SEC24A: variants seen among roughly 807,000 people sequenced by gnomAD.
SEC24A encodes SEC24 homolog A, COPII component, also known as protein transport protein Sec24A.
A neutral mutation model predicts 129.4 loss-of-function variants in SEC24A; 93 were observed. The ratio of observed to expected loss-of-function variants is 0.72; its 90% CI spans 0.61 to 0.85. The LOEUF is 0.85. Among genes scored for constraint, SEC24A ranks in the 40% least tolerant of loss-of-function variants. The pLI is 0.00. For synonymous variants in SEC24A, 460 were observed against 467.3 expected (o/e 0.98, Z 0.20); for missense variants, 1,264 against 1,307.4 (o/e 0.97, Z 0.51).
chr5:134,700,086 G>T (rs1751959976), intron 15 of SEC24A, among the ~76,000 whole-genome samples: 1 of 150,996 alleles, frequency 6.6e-6, no homozygotes, highest in Admixed American at 6.6e-5. Context: ...TTCCATTGCT[G>T]CTGCACAAAT....
intron 9 of SEC24A, among the ~76,000 whole-genome samples, chr5:134,684,867 C>T (rs996530775): frequency 6.6e-6 from 1 of 152,156 alleles, no homozygotes; most frequent in African/African-American, 2.4e-5. Context: ...TTATCACCCA[C>T]ACTTTGCAAA....
intron 20 of SEC24A, among the ~76,000 whole-genome samples, chr5:134,719,060 T>A (rs1330620315): frequency 6.6e-6 from 1 of 151,982 alleles, no homozygotes; most frequent in African/African-American, 2.4e-5. Context: ...TGTTTTAAGC[T>A]AAGTGTTATT....
At position 134,675,105 on chromosome 5, in the gene SEC24A, G is replaced by C; in HGVS notation, c.1039G>C (p.Gly347Arg). The C allele has an allele frequency of 6.2e-7, 1 of 1,612,800 alleles. No homozygotes were observed. Among genetic ancestry groups the C allele is most frequent in the Non-Finnish European group, 8.5e-7 (1 of 1,179,116 alleles). ...SMSGLSLQPE[G>R]LRVVNLLQER... is the part of the protein sequence containing the mutation. ...GAGTGGATTAAGTCTACAACCAGAG[G>C]GTCTAAGAGTTGTCAATCTTCTTCA... The change falls in exon 6 of 23, where the codon GGT (glycine) becomes CGT (arginine). Residue 347 changes from glycine to arginine, a missense_variant. By Grantham distance (125) the Gly-to-Arg change is moderately radical. Coordinates refer to ENST00000398844, the MANE Select transcript of SEC24A (RefSeq NM_021982.3).
At chr5:134,701,534 G>A (rs914378886) in intron 15 of SEC24A, among the ~76,000 whole-genome samples, 4 of 150,450 alleles carry the variant, frequency 2.7e-5, no homozygotes, top group East Asian at 1.9e-4. Context: ...TTTTTGAGAC[G>A]GAGTCTCGGT....
chr5:134,674,503 C>T, intron 4 of SEC24A, 112 bp from the exon 5 acceptor site: 1 of 940,520 alleles, frequency 1.1e-6, no homozygotes, highest in Non-Finnish European at 1.6e-6. Context: ...CACCACTGCA[C>T]TGCAGCCTGG....
rs756277393 is a variant in SEC24A at position 134,674,699 on chromosome 5, A to G, written c.902A>G (p.Asn301Ser). ...SYPSLPPGYQ[N>S]TTPPGATGVP... is the part of the protein sequence containing the mutation. Reference sequence around the variant, plus strand: ...CCCTCCTTACCACCTGGTTATCAGAACACAACACCACCTGGTGCAACTGGA... The same window carrying G: ...CCCTCCTTACCACCTGGTTATCAGAGCACAACACCACCTGGTGCAACTGGA... The change falls in exon 5 of 23, where the codon AAC (asparagine) becomes AGC (serine). Residue 301 changes from asparagine (N) to serine (S), a missense_variant. By Grantham distance (46) the Asn-to-Ser change is conservative. Coordinates refer to ENST00000398844, the MANE Select transcript of SEC24A (RefSeq NM_021982.3). 5 of 1,614,104 alleles carry G rather than the reference A, an allele frequency of 3.1e-6. No individual in the cohort carries two copies. In the South Asian group the frequency reaches 5.5e-5, roughly 18 times the overall value.
chr5:134,681,991 C>T (rs1373264572), intron 8 of SEC24A, among the ~76,000 whole-genome samples: 4 of 152,008 alleles, frequency 2.6e-5, no homozygotes. Context: ...TCTGTAATCC[C>T]AGCACTTTGG....
At chr5:134,654,633 G>A (rs1019678165) in intron 1 of SEC24A, among the ~76,000 whole-genome samples, 22 of 149,208 alleles carry the variant, frequency 1.5e-4, no homozygotes, top group Non-Finnish European at 3.3e-4. Context: ...TAACGCTAAA[G>A]GCAAATAATG....
Position 134,671,831 on chromosome 5 carries a change from C to T in SEC24A, c.762C>T (p.Asn254=), listed in dbSNP as rs748556310. Residue 254 remains asparagine, a synonymous_variant, in exon 4 of 23, where the codon AAC becomes AAT. Coordinates refer to ENST00000398844, the MANE Select transcript of SEC24A (RefSeq NM_021982.3). ...NQEGITSNTN[N]GSMVVHSSYD... Reference sequence around the variant, plus strand: ...TAGGTATTACATCAAATACCAATAACGGATCTATGGTGGTCCACAGTAGTT... The same window carrying T: ...TAGGTATTACATCAAATACCAATAATGGATCTATGGTGGTCCACAGTAGTT... 13 of 1,602,594 alleles carry T rather than the reference C, an allele frequency of 8.1e-6. No homozygotes were observed. Among genetic ancestry groups the T allele is most frequent in the Admixed American group, 1.7e-5 (1 of 58,428 alleles).
Position 134,661,478 on chromosome 5 carries a change from C to G in SEC24A, c.457C>G (p.Pro153Ala). 2 of 1,614,186 alleles carry G rather than the reference C, an allele frequency of 1.2e-6. No homozygotes were observed. The highest frequency in any genetic ancestry group is 1.7e-6 in the Non-Finnish European group (2 of 1,180,014). The change falls in exon 2 of 23, where the codon CCT becomes GCT. Residue 153 changes from proline (P) to alanine (A), a missense_variant. By Grantham distance (27) the Pro-to-Ala change is conservative (BLOSUM62 -1). Transcript: ENST00000398844. ...CACAGCCTCACAAACAAACCATTGT[C>G]CTCGTGCATCATCCCAACCAACTGT... ...PSTASQTNHCPRASSQPTVSG... is the reference protein window; with the variant it reads ...PSTASQTNHCARASSQPTVSG...
intron 7 of SEC24A, among the ~76,000 whole-genome samples, chr5:134,678,060 C>T (rs978857656): frequency 1.3e-5 from 2 of 152,068 alleles, no homozygotes; most frequent in African/African-American, 4.8e-5. Context: ...CTCTCGTTGT[C>T]ACCCAGGTTA....
intron 9 of SEC24A, among the ~76,000 whole-genome samples, chr5:134,683,116 G>A (rs1300849714): frequency 8.6e-5 from 13 of 151,766 alleles, no homozygotes; most frequent in South Asian, 2.1e-4. Flanking sequence ...TCCGCCTCCC[G>A]GGTTCAAGCA....
At position 134,726,406 on chromosome 5, in the gene SEC24A, T is replaced by C. The variant is rs1257078194; in HGVS notation, c.*1312T>C. On this transcript the variant is annotated 3_prime_UTR_variant, in exon 23 of 23. Coordinates refer to ENST00000398844, the MANE Select transcript of SEC24A (RefSeq NM_021982.3). ...TTGATCAAAATATTTTTGGGTTTTT[T>C]GTTTTGTTTTAATGGGTTAGAAAAT... The C allele has an allele frequency of 1.3e-5, 2 of 152,604 alleles. No homozygotes were observed. Among genetic ancestry groups the C allele is most frequent in the South Asian group, 4.1e-4 (2 of 4,834 alleles). 9.5% of individuals were successfully genotyped at this position (152,604 alleles called of 1,614,324 possible).
At chr5:134,674,535 C>CA (rs942030458) in intron 4 of SEC24A, 80 bp from the exon 5 acceptor site, 72 of 1,351,296 alleles carry the variant, frequency 5.3e-5, no homozygotes, top group South Asian at 8.8e-5. Context: ...ACCCTTTCTC[C>CA]AAAAAAAATG....
intron 6 of SEC24A, 82 bp downstream of exon 6, chr5:134,675,299 G>A: frequency 9.9e-7 from 1 of 1,009,662 alleles, no homozygotes; most frequent in Non-Finnish European, 1.5e-6. Context: ...TTATGAATAA[G>A]CTGTACAAAT....
chr5:134,697,828 T>C, intron 14 of SEC24A, 71 bp from the exon 15 acceptor site: 5 of 1,391,496 alleles, frequency 3.6e-6, no homozygotes, highest in Non-Finnish European at 3.9e-6. Flanking sequence ...TTGATTCCAA[T>C]GTCTTTAGTT....
chr5:134,699,301 C>CTTTTT (rs1208203003), intron 15 of SEC24A, among the ~76,000 whole-genome samples: 1 of 138,424 alleles, frequency 7.2e-6, no homozygotes, highest in African/African-American at 2.8e-5. Flanking sequence ...CCATTTTATC[C>CTTTTT]TTTTTTTTTT....
chr5:134,657,161 G>A (rs1750276833), intron 1 of SEC24A, among the ~76,000 whole-genome samples: 1 of 150,518 alleles, frequency 6.6e-6, no homozygotes, highest in South Asian at 2.1e-4. Context: ...GTGGCAGAGC[G>A]AGACCTCATT....
chr5:134,692,571 G>C, intron 11 of SEC24A, 31 bp from the exon 12 acceptor site: 1 of 1,082,046 alleles, frequency 9.2e-7, no homozygotes, highest in Non-Finnish European at 1.4e-6. Context: ...ATTACATTTT[G>C]TTTAAAATAA....
Sources: gnomAD v4.1 joint callset for allele counts (sites outside exome capture counted in the v4.1 genomes callset) on GRCh38, gnomAD v4.1.1 for gene constraint, MANE v1.5 for transcripts, NCBI Gene and HGNC (gene_info 2026-07-23, HGNC 2026-07-21) for gene names.